The following NKTR variants were observed in gnomAD, a reference collection of about 807,000 sequenced individuals.
NKTR encodes the protein NK-tumor recognition protein.
A neutral mutation model predicts 156.3 loss-of-function variants in NKTR; 67 were observed. The ratio of observed to expected loss-of-function variants is 0.43; its 90% confidence interval spans 0.35 to 0.53. The LOEUF is 0.53. Ranked by LOEUF, NKTR falls within the 20% of genes least tolerant of loss-of-function variation. The pLI is 0.01. For synonymous variants in NKTR, 640 were observed against 596.6 expected (o/e 1.07, Z -1.06); for missense variants, 1,604 against 1,730.9 (o/e 0.93, Z 1.30).
In NKTR at chr3:42,601,027, G is replaced by C; in HGVS notation, c.21G>C (p.Pro7=). Residue 7 remains proline, a synonymous_variant, in exon 2 of 17, where the codon CCG becomes CCC. Transcript: ENST00000232978. ...TCGCGATGGGGGCGCAGGACCGGCC[G>C]CAGTGCCACTTCGACATCGAGATCA... The part of the protein sequence containing the change: MGAQDR[P]QCHFDIEINR... 6.3e-7 allele frequency: 1 copy of C among 1,580,724 alleles called. No homozygotes were observed. Among genetic ancestry groups the C allele is most frequent in the Non-Finnish European group, 8.6e-7 (1 of 1,166,460 alleles).
chr3:42,636,971 C>T lies in NKTR; in HGVS notation c.1267C>T (p.His423Tyr), dbSNP rs201239457. The T allele has an allele frequency of 1.6e-5, 26 of 1,612,324 alleles. No individual in the cohort carries two copies. In the East Asian group the frequency reaches 3.6e-4, roughly 22 times the overall value. Residue 423 changes from histidine (H) to tyrosine (Y), a missense_variant, in exon 13 of 17, where the codon CAC becomes TAC. By Grantham distance (83) the His-to-Tyr change is moderately conservative. This residue lies in a region of NKTR where 1,255 missense variants were observed against 1,243.7 expected (regional missense o/e 1.01). Transcript: ENST00000232978. The part of the protein sequence containing the change: ...GYYSDLSTAR[H>Y]SGHHKKRRKE... Reference sequence around the variant, plus strand: ...TTATTCAGACCTTAGTACAGCAAGACACTCTGGCCACCATAAAAAACGCAG... The same window carrying T: ...TTATTCAGACCTTAGTACAGCAAGATACTCTGGCCACCATAAAAAACGCAG...
chr3:42,639,769 C>A lies in NKTR; in HGVS notation c.4046+19C>A. The A allele has an allele frequency of 6.6e-7, 1 of 1,513,500 alleles. No individual in the cohort carries two copies. The highest frequency in any genetic ancestry group is 1.2e-5 in the South Asian group (1 of 82,984). The allele number at this position is 1,513,500 out of a possible 1,614,324, so 93.8% of individuals were successfully genotyped here. On this transcript the variant is annotated intron_variant, in intron 13 of 16. Coordinates refer to ENST00000232978, the MANE Select transcript of NKTR (RefSeq NM_005385.4). The stretch of plus-strand genomic sequence containing the variant: ...CTTATCGGTGAGCAATATTCTCTTT[C>A]CTTTCTTCTCCCAAGGAGAGTCTGT...
intron 2 of NKTR, among the ~76,000 whole-genome samples, chr3:42,609,439 C>G (rs1472514199): frequency 6.6e-6 from 1 of 152,172 alleles, no homozygotes; most frequent in Non-Finnish European, 1.5e-5. Flanking sequence ...CTTTAACTTT[C>G]AGTTTGTTCC....
intron 13 of NKTR, 66 bp from the exon 14 acceptor site, chr3:42,642,435 G>T: frequency 8.2e-7 from 1 of 1,219,322 alleles, no homozygotes; most frequent in Non-Finnish European, 1.2e-6. Flanking sequence ...TGCCCTACCA[G>T]TAATTAATTT....
intron 2 of NKTR, among the ~76,000 whole-genome samples, chr3:42,608,663 C>T (rs1219044165): frequency 6.6e-6 from 1 of 152,218 alleles, no homozygotes; most frequent in Non-Finnish European, 1.5e-5. Flanking sequence ...CCCCTCTTCT[C>T]TCTCTGAAGG....
At chr3:42,641,750 T>C (rs2300058) in intron 13 of NKTR, among the ~76,000 whole-genome samples, 26,135 of 151,726 alleles carry the variant, frequency 0.17, 2,720 homozygotes, top group African/African-American at 0.29. Flanking sequence ...TGGTAGTGCG[T>C]GTCTGTAATC....
chr3:42,639,614 A>C lies in NKTR; in HGVS notation c.3910A>C (p.Ser1304Arg), dbSNP rs1269830073. 6.2e-7 allele frequency: 1 copy of C among 1,614,224 alleles called. No individual in the cohort carries two copies. Among genetic ancestry groups the C allele is most frequent in the Non-Finnish European group, 8.5e-7 (1 of 1,180,014 alleles). ...QESSSDEQTP[S>R]RDDDSQSRSP... ...GAGTTCAAGTGATGAGCAGACGCCT[A>C]GTCGGGATGATGATAGCCAGTCCAG... The change falls in exon 13 of 17, where the codon AGT becomes CGT. Residue 1304 changes from serine (S) to arginine (R), a missense_variant. This residue lies in a region of NKTR where 193 missense variants were observed against 220.2 expected (regional missense o/e 0.88). Transcript: ENST00000232978.
chr3:42,640,661 C>A (rs1709811130), intron 13 of NKTR, among the ~76,000 whole-genome samples: 2 of 152,234 alleles, frequency 1.3e-5, no homozygotes, highest in South Asian at 4.1e-4. Context: ...TTCTCCTCGG[C>A]TGTGTGCTTG....
rs778317099 is a variant in NKTR, at chr3:42,638,023, T to A, written c.2319T>A (p.His773Gln). ...AAAATAGCGTTTCACATAAAAAGCATAGCAGCAGCTCTGAAAAGACACTTC... is the reference window on the plus strand; with the variant it reads ...AAAATAGCGTTTCACATAAAAAGCAAAGCAGCAGCTCTGAAAAGACACTTC... ...GKKNSVSHKK[H>Q]SSSSEKTLHS... Residue 773 changes from histidine to glutamine, a missense_variant, in exon 13 of 17, where the codon CAT becomes CAA. By Grantham distance (24) the His-to-Gln change is conservative. This residue lies in a region of NKTR where 1,255 missense variants were observed against 1,243.7 expected (regional missense o/e 1.01). Coordinates refer to ENST00000232978, the MANE Select transcript of NKTR (RefSeq NM_005385.4). 3.1e-6 allele frequency: 5 copies of A among 1,614,196 alleles called. No homozygotes were observed. The South Asian group carries it at 4.4e-5, about 14-fold the overall frequency.
chr3:42,618,245 G>A (rs960088531), intron 3 of NKTR, among the ~76,000 whole-genome samples: 4 of 151,334 alleles, frequency 2.6e-5, no homozygotes, highest in African/African-American at 9.7e-5. Context: ...CAGCTACTCA[G>A]GAGGCTGAGG....
intron 12 of NKTR, among the ~76,000 whole-genome samples, chr3:42,636,058 T>C (rs1577558746): frequency 6.6e-6 from 1 of 152,338 alleles, no homozygotes; most frequent in East Asian, 1.9e-4. Flanking sequence ...TTTTTAGAAG[T>C]GTACACATCT....
At chr3:42,618,321 A>G (rs1025338137) in intron 3 of NKTR, among the ~76,000 whole-genome samples, 1 of 150,960 alleles carries the variant, frequency 6.6e-6, no homozygotes, top group African/African-American at 2.4e-5. Context: ...ATTGCACTCC[A>G]GCCTGGGGGA....
chr3:42,617,851 T>A (rs1000346802), intron 3 of NKTR, among the ~76,000 whole-genome samples: 1 of 151,728 alleles, frequency 6.6e-6, no homozygotes, highest in Non-Finnish European at 1.5e-5. Flanking sequence ...ATCTCAAAAA[T>A]GAAAAAGAGA....
intron 2 of NKTR, 87 bp downstream of exon 2, chr3:42,601,151 C>G (rs567205257): frequency 2.6e-6 from 3 of 1,161,000 alleles, no homozygotes; most frequent in Non-Finnish European, 3.5e-6. Context: ...CTCCCCCGGC[C>G]TTTTTGGGAG....
Position 42,601,157 on chromosome 3 carries a change from G to A in NKTR, c.58+93G>A, listed in dbSNP as rs900766359. On this transcript the variant is annotated intron_variant, in intron 2 of 16. Transcript: ENST00000232978. ...TCAGCAACCCTCCCCCGGCCTTTTT[G>A]GGAGCGGGTAGGAGGCGCAGGCAAC... The A allele has an allele frequency of 2.0e-5, 22 of 1,100,902 alleles. No individual in the cohort carries two copies. In the African/African-American group the frequency reaches 3.6e-4, roughly 18 times the overall value. 68.2% of individuals were successfully genotyped at this position (1,100,902 alleles called of 1,614,324 possible).
intron 2 of NKTR, among the ~76,000 whole-genome samples, chr3:42,605,303 C>T (rs948160185): frequency 2.0e-5 from 3 of 152,248 alleles, no homozygotes; most frequent in African/African-American, 7.2e-5. Context: ...CTGACAATGT[C>T]TTTTAGTCAG....
At position 42,619,043 on chromosome 3, in the gene NKTR, A is replaced by G. The variant is rs1444815093; in HGVS notation, c.157A>G (p.Thr53Ala). ...AGGAGAGAAAGGCCTTGGGAAAACAACTGGGAAGAAGTTATGTTATAAAGG... is the reference window on the plus strand; with the variant it reads ...AGGAGAGAAAGGCCTTGGGAAAACAGCTGGGAAGAAGTTATGTTATAAAGG... Reference protein sequence around the residue: ...CSGEKGLGKTTGKKLCYKGST... With the variant: ...CSGEKGLGKTAGKKLCYKGST... The change falls in exon 4 of 17, where the codon ACT becomes GCT. Residue 53 changes from threonine (T) to alanine (A), a missense_variant. By Grantham distance (58) the Thr-to-Ala change is moderately conservative (BLOSUM62 0). Coordinates refer to ENST00000232978, the MANE Select transcript of NKTR (RefSeq NM_005385.4). 1 of 1,600,346 alleles carries G rather than the reference A, an allele frequency of 6.2e-7. No homozygotes were observed. The highest frequency in any genetic ancestry group is 8.5e-7 in the Non-Finnish European group (1 of 1,175,922).
chr3:42,637,550 C>A lies in NKTR; in HGVS notation c.1846C>A (p.Pro616Thr), dbSNP rs1709536221. The A allele has an allele frequency of 1.9e-6, 3 of 1,613,810 alleles. No homozygotes were observed. Among genetic ancestry groups the A allele is most frequent in the Non-Finnish European group, 2.5e-6 (3 of 1,179,982 alleles). The change falls in exon 13 of 17, where the codon CCT becomes ACT. Residue 616 changes from proline (P) to threonine (T), a missense_variant. Transcript: ENST00000232978. ...AATACCACTGAGTGACAGTCCCCCCCCTTCAAGATGGAAGCCTGGACAGAA... is the reference window on the plus strand; with the variant it reads ...AATACCACTGAGTGACAGTCCCCCCACTTCAAGATGGAAGCCTGGACAGAA... ...PVIPLSDSPP[P>T]SRWKPGQKPW...
chr3:42,617,604 A>G lies in NKTR; in HGVS notation c.93A>G (p.Ile31Met), dbSNP rs1707500211. The stretch of plus-strand genomic sequence containing the variant: ...TTATGTTTCAGCTCTTCTCAGACAT[A>G]TGTCCAAAAACATGCAAAAACTTCC... ...GRIMFQLFSD[I>M]CPKTCKNFLC... The change falls in exon 3 of 17, where the codon ATA becomes ATG. Residue 31 changes from isoleucine (I) to methionine (M), a missense_variant. Physicochemically the swap from Ile to Met is conservative, Grantham distance 10. Around this residue, in one of 6 missense-constraint regions of NKTR, gnomAD observed 73 missense variants for 90.7 expected, o/e 0.80. Coordinates refer to ENST00000232978, the MANE Select transcript of NKTR (RefSeq NM_005385.4). 1 of 1,605,862 alleles carries G rather than the reference A, an allele frequency of 6.2e-7. No homozygotes were observed. The highest frequency in any genetic ancestry group is 1.3e-5 in the African/African-American group (1 of 74,734).
Sources: gnomAD v4.1 joint callset for allele counts (sites outside exome capture counted in the v4.1 genomes callset) on GRCh38, gnomAD v4.1.1 for gene constraint, gnomAD v4.1.1 regional missense constraint, MANE v1.5 for transcripts, NCBI Gene and HGNC (gene_info 2026-07-23, HGNC 2026-07-21) for gene names.